The following THRSP variants were observed in gnomAD, a reference collection of about 807,000 sequenced individuals.
THRSP encodes thyroid hormone-inducible hepatic protein.
THRSP carries 9 observed loss-of-function variants against 11.1 expected under a neutral mutation model. The ratio of observed to expected loss-of-function variants is 0.81; its 90% CI spans 0.49 to 1.42. The LOEUF (loss-of-function observed/expected upper bound fraction) is 1.42, where lower values mean the gene tolerates loss of function less well. Ranked by LOEUF, THRSP falls within the 40% of genes most tolerant of loss-of-function variation. THRSP has a pLI of 0.00. For synonymous variants in THRSP, 73 were observed against 78.1 expected (o/e 0.94, Z 0.34); for missense variants, 177 against 188.2 (o/e 0.94, Z 0.35).
intron 1 of THRSP, among the ~76,000 whole-genome samples, chr11:78,064,755 C>T (rs144598522): frequency 0.015 from 2,248 of 152,002 alleles, 48 homozygotes; most frequent in African/African-American, 0.052. Context: ...TTTGGGAGGC[C>T]GAGGCGGGCG....
rs1303799462 is a variant in THRSP at position 78,064,102 on chromosome 11, T to C, written c.221T>C (p.Leu74Pro). Reference protein sequence around the residue: ...KAICVDVDHGLLPREEWQAKV... With the variant: ...KAICVDVDHGPLPREEWQAKV... The stretch of plus-strand genomic sequence containing the variant: ...ATCTGTGTGGATGTGGACCATGGGC[T>C]GCTGCCGCGGGAGGAGTGGCAGGCC... The change falls in exon 1 of 2, where the codon CTG (leucine) becomes CCG (proline). Residue 74 changes from leucine to proline, a missense_variant. Physicochemically the swap from Leu to Pro is moderately conservative, Grantham distance 98. Coordinates refer to ENST00000281030, the MANE Select transcript of THRSP (RefSeq NM_003251.4). 1.4e-5 allele frequency: 22 copies of C among 1,614,054 alleles called. No individual in the cohort carries two copies. Among genetic ancestry groups the C allele is most frequent in the Non-Finnish European group, 1.6e-5 (19 of 1,180,044 alleles).
At chr11:78,064,606 A>G (rs924184943) in intron 1 of THRSP, among the ~76,000 whole-genome samples, 1 of 152,220 alleles carries the variant, frequency 6.6e-6, no homozygotes, top group African/African-American at 2.4e-5. Flanking sequence ...ATATGCACAT[A>G]TATGTGTTTG....
chr11:78,064,988 CAA>C (rs57192362), intron 1 of THRSP, among the ~76,000 whole-genome samples: 1 of 132,778 alleles, frequency 7.5e-6, no homozygotes, highest in African/African-American at 2.8e-5. Context: ...GACTCCATCT[CAA>C]AAAAAAAAAA....
intron 1 of THRSP, among the ~76,000 whole-genome samples, chr11:78,066,171 C>T (rs528293556): frequency 3.3e-4 from 51 of 152,282 alleles, no homozygotes; most frequent in East Asian, 5.8e-4. Context: ...CATCCCCCCC[C>T]ACCTTTTTAA....
chr11:78,065,523 T>C (rs1858711952), intron 1 of THRSP, among the ~76,000 whole-genome samples: 1 of 152,126 alleles, frequency 6.6e-6, no homozygotes, highest in Non-Finnish European at 1.5e-5. Context: ...CCAGCCCTGC[T>C]CCCACAAACT....
chr11:78,064,746 T>C (rs1383289930), intron 1 of THRSP, among the ~76,000 whole-genome samples: 2 of 152,022 alleles, frequency 1.3e-5, no homozygotes, highest in Non-Finnish European at 2.9e-5. Context: ...CCAAAGCACT[T>C]TGGGAGGCCG....
chr11:78,067,379 C>T (rs1008927689), intron 1 of THRSP, among the ~76,000 whole-genome samples: 1 of 152,196 alleles, frequency 6.6e-6, no homozygotes, highest in Non-Finnish European at 1.5e-5. Context: ...ACCTTGGCCT[C>T]CCAAAGTGCT....
chr11:78,064,650 G>A (rs1183021373), intron 1 of THRSP, among the ~76,000 whole-genome samples: 1 of 152,140 alleles, frequency 6.6e-6, no homozygotes, highest in African/African-American at 2.4e-5. Context: ...GTGAATGCTT[G>A]TAAATGTGTG....
At chr11:78,064,803 C>T (rs1858686236) in intron 1 of THRSP, among the ~76,000 whole-genome samples, 1 of 152,014 alleles carries the variant, frequency 6.6e-6, no homozygotes. Context: ...TCCTGGCTAA[C>T]ATGGTGAAAC....
chr11:78,065,290 T>C (rs1203975367), intron 1 of THRSP, among the ~76,000 whole-genome samples: 1 of 152,106 alleles, frequency 6.6e-6, no homozygotes, highest in South Asian at 2.1e-4. Context: ...CCCTGTTGTA[T>C]GTACATATGA....
chr11:78,067,514 G>A (rs936787289), intron 1 of THRSP, 145 bp from the exon 2 acceptor site: 2 of 152,250 alleles, frequency 1.3e-5, no homozygotes, highest in Non-Finnish European at 2.9e-5. Context: ...TGACAACCTA[G>A]GATTCTCCTT....
intron 1 of THRSP, 144 bp downstream of exon 1, chr11:78,064,485 C>T: frequency 1.5e-6 from 1 of 688,834 alleles, no homozygotes; most frequent in South Asian, 2.0e-5. Context: ...GGACCACAAC[C>T]TAGGAGGGCC....
At chr11:78,064,988 C>A (rs200012837) in intron 1 of THRSP, among the ~76,000 whole-genome samples, 780 of 132,472 alleles carry the variant, frequency 5.9e-3, no homozygotes, top group African/African-American at 6.2e-3. Flanking sequence ...GACTCCATCT[C>A]AAAAAAAAAA....
In THRSP at chr11:78,064,016, T is replaced by TG. The variant is rs1565326817; in HGVS notation, c.140dup (p.Gln48ProfsTer5). The TG allele has an allele frequency of 6.2e-7, 1 of 1,614,138 alleles. No homozygotes were observed. The highest frequency in any genetic ancestry group is 8.5e-7 in the Non-Finnish European group (1 of 1,180,016). On this transcript the variant is annotated frameshift_variant, in exon 1 of 2. Coordinates refer to ENST00000281030, the MANE Select transcript of THRSP (RefSeq NM_003251.4). LOFTEE classifies it high-confidence loss of function. Reference sequence around the variant, plus strand: ...TGCGGGACGTGCAGCTGAGTGGGCCTGGGGGCCAGGCCCAGGCTGAGGCCC... The same window carrying TG: ...TGCGGGACGTGCAGCTGAGTGGGCCTGGGGGGCCAGGCCCAGGCTGAGGCCC...
At position 78,064,052 on chromosome 11, in the gene THRSP, C is replaced by T; in HGVS notation, c.171C>T (p.Tyr57=). 8 of 1,614,180 alleles carry T rather than the reference C, an allele frequency of 5.0e-6. No individual in the cohort carries two copies. The highest frequency in any genetic ancestry group is 5.1e-6 in the Non-Finnish European group (6 of 1,180,048). The change falls in exon 1 of 2, where the codon TAC becomes TAT. Residue 57 remains tyrosine, a synonymous_variant. Transcript: ENST00000281030. ...GQAQAEAPDL[Y]TYFTMLKAIC... is the part of the protein sequence containing the mutation. ...CCCAGGCTGAGGCCCCTGATCTCTA[C>T]ACCTACTTCACCATGCTCAAGGCCA...
intron 1 of THRSP, 25 bp downstream of exon 1, chr11:78,064,366 G>C (rs1342905237): frequency 6.4e-7 from 1 of 1,557,698 alleles, no homozygotes; most frequent in Non-Finnish European, 8.7e-7. Flanking sequence ...GCTGGTGGGT[G>C]TGAGTCTACA....
chr11:78,065,762 C>T (rs1018483563), intron 1 of THRSP, among the ~76,000 whole-genome samples: 1 of 152,180 alleles, frequency 6.6e-6, no homozygotes, highest in African/African-American at 2.4e-5. Context: ...TTTGTGTTAT[C>T]TTCATAATCT....
intron 1 of THRSP, among the ~76,000 whole-genome samples, chr11:78,066,950 C>G: frequency 6.6e-6 from 1 of 151,792 alleles, no homozygotes; most frequent in Non-Finnish European, 1.5e-5. Flanking sequence ...CTCAGCCACC[C>G]GAGTAGTTGG....
In THRSP at chr11:78,067,737, G is replaced by A. The variant is rs1858806737; in HGVS notation, c.*98G>A. 3.3e-5 allele frequency: 5 copies of A among 152,254 alleles called. No individual in the cohort carries two copies. The South Asian group carries it at 1.0e-3, about 31-fold the overall frequency. The allele number at this position is 152,254 out of a possible 1,614,324, so 9.4% of individuals were successfully genotyped here. ...ACTAGCCAATGATGAGAGCAGAAAGGCCTAGACCTGCAGCCAGAAGTGAAG... is the reference window on the plus strand; with the variant it reads ...ACTAGCCAATGATGAGAGCAGAAAGACCTAGACCTGCAGCCAGAAGTGAAG... On this transcript the variant is annotated 3_prime_UTR_variant, in exon 2 of 2. Transcript: ENST00000281030.
Sources: gnomAD v4.1 joint callset for allele counts (sites outside exome capture counted in the v4.1 genomes callset) on GRCh38, gnomAD v4.1.1 for gene constraint, MANE v1.5 for transcripts, NCBI Gene and HGNC (gene_info 2026-07-23, HGNC 2026-07-21) for gene names.